ALDH5A1: variants seen among roughly 807,000 people sequenced by gnomAD.
ALDH5A1 encodes the protein succinate-semialdehyde dehydrogenase, mitochondrial.
Under a neutral mutation model 54.7 loss-of-function variants are expected in ALDH5A1, and 33 were observed. The observed-to-expected ratio is 0.60, with a 90% confidence interval of 0.46 to 0.81. The LOEUF (loss-of-function observed/expected upper bound fraction) is 0.81. Among genes scored for constraint, ALDH5A1 ranks in the 30% least tolerant of loss-of-function variants. The pLI, the probability that ALDH5A1 is intolerant of heterozygous loss-of-function variation, is 0.00. For synonymous variants in ALDH5A1, 294 were observed against 292.7 expected (o/e 1.00, Z -0.05); for missense variants, 657 against 711.0 (o/e 0.92, Z 0.86).
intron 4 of ALDH5A1, among the ~76,000 whole-genome samples, chr6:24,506,484 C>A (rs865840798): frequency 2.8e-4 from 42 of 151,956 alleles, no homozygotes; most frequent in Middle Eastern, 3.4e-3. Context: ...AACTCCTGAC[C>A]TCGTGATCCA....
rs771725195 is a variant in ALDH5A1 at position 24,504,967 on chromosome 6, C to T, written c.708C>T (p.Ser236=). 7 of 1,614,198 alleles carry T rather than the reference C, an allele frequency of 4.3e-6. No individual in the cohort carries two copies. In the Admixed American group the frequency reaches 5.0e-5, roughly 12 times the overall value. ...AGCCTGCCGAAGACACGCCCTTCTC[C>T]GCCCTGGCCCTGGCTGAGGTGAGCC... is the stretch of plus-strand genomic sequence containing the variant. ...VVKPAEDTPF[S]ALALAELASQ... Residue 236 remains serine (S), a synonymous_variant, in exon 4 of 10, where the codon TCC becomes TCT. Coordinates refer to ENST00000357578, the MANE Select transcript of ALDH5A1 (RefSeq NM_001080.3).
intron 4 of ALDH5A1, 65 bp from the exon 5 acceptor site, chr6:24,515,102 C>CTTTTTTTTTTTTTTTTTT (rs4646842): frequency 2.8e-4 from 265 of 931,962 alleles, no homozygotes; most frequent in East Asian, 8.0e-4. Context: ...TTTCTCTTTT[C>CTTTTTTTTTTTTTTTTTT]TTTTTTTTTT....
intron 7 of ALDH5A1, among the ~76,000 whole-genome samples, chr6:24,524,489 C>T (rs1478134819): frequency 6.6e-6 from 1 of 152,154 alleles, no homozygotes; most frequent in Non-Finnish European, 1.5e-5. Flanking sequence ...TGTTCCTCAA[C>T]CTCCTCAGAG....
chr6:24,495,541 C>T (rs985850164), intron 1 of ALDH5A1, among the ~76,000 whole-genome samples, 191 bp downstream of exon 1: 1 of 152,192 alleles, frequency 6.6e-6, no homozygotes, highest in Non-Finnish European at 1.5e-5. Flanking sequence ...CACTTTGAGC[C>T]GGGCACTAGG....
chr6:24,501,388 C>T (rs1764814981), intron 1 of ALDH5A1, among the ~76,000 whole-genome samples: 2 of 152,318 alleles, frequency 1.3e-5, no homozygotes, highest in African/African-American at 4.8e-5. Context: ...GAACTCTCCA[C>T]AGGGCTTGTT....
chr6:24,519,240 C>G (rs1315604315), intron 5 of ALDH5A1, among the ~76,000 whole-genome samples: 2 of 151,944 alleles, frequency 1.3e-5, no homozygotes, highest in Non-Finnish European at 2.9e-5. Flanking sequence ...TACAGAAGAG[C>G]CATGCAGTGG....
Position 24,520,642 on chromosome 6 carries a change from G to A in ALDH5A1, c.1014+98G>A, listed in dbSNP as rs1759664770. ...GATATGTGTGCATGTGAGTGTGTGT[G>A]TGTGTGCGTGTGTGTGTGTTACAAA... On this transcript the variant is annotated intron_variant, in intron 6 of 9. Coordinates refer to ENST00000357578, the MANE Select transcript of ALDH5A1 (RefSeq NM_001080.3). The A allele has an allele frequency of 2.7e-6, 4 of 1,500,104 alleles. No individual in the cohort carries two copies. The South Asian group carries it at 4.8e-5, about 18-fold the overall frequency. 92.9% of individuals were successfully genotyped at this position (1,500,104 alleles called of 1,614,324 possible).
At position 24,509,658 on chromosome 6, in the gene ALDH5A1, A is replaced by G. The variant is rs1759426629; in HGVS notation, c.726+4673A>G. ...TGATCTTTTGTACTTCTGTGGTGTC[A>G]GTTGTAATATCTCCCATTTCATTTC... On this transcript the variant is annotated intron_variant, in intron 4 of 9. Transcript: ENST00000357578. This position sits in a 1 kb window ranked among gnomAD's most constrained non-coding sequence, Gnocchi z 4.7. Among the ~76,000 whole-genome samples the G allele has an allele frequency of 6.6e-6, 1 of 152,092 alleles. No homozygotes were observed. Among genetic ancestry groups the G allele is most frequent in the Non-Finnish European group, 1.5e-5 (1 of 68,008 alleles).
intron 4 of ALDH5A1, among the ~76,000 whole-genome samples, chr6:24,513,062 T>C (rs995623042): frequency 7.0e-5 from 10 of 142,386 alleles, no homozygotes; most frequent in Admixed American, 4.3e-4. Flanking sequence ...ATTCTACTTC[T>C]TATTATTTTT....
chr6:24,535,168 G>GA lies in ALDH5A1; in HGVS notation c.*1458dup, dbSNP rs1206816182. The GA allele has an allele frequency of 6.6e-6, 1 of 152,196 alleles. No individual in the cohort carries two copies. Among genetic ancestry groups the GA allele is most frequent in the Non-Finnish European group, 1.5e-5 (1 of 68,048 alleles). The allele number at this position is 152,196 out of a possible 1,614,324, so 9.4% of individuals were successfully genotyped here. ...ATTCTGGGTTGTGGAAGGAAAATGT[G>GA]AATGAAAGTAGTGCTGGATGCAATT... On this transcript the variant is annotated 3_prime_UTR_variant, in exon 10 of 10. Transcript: ENST00000357578.
intron 4 of ALDH5A1, 35 bp downstream of exon 4, chr6:24,505,020 C>G (rs199978405): frequency 6.2e-7 from 1 of 1,604,014 alleles, no homozygotes; most frequent in South Asian, 1.1e-5. Context: ...ACAAAGCAGA[C>G]AAAGTTCAAA....
chr6:24,506,243 CTTTTTTT>C (rs70974913), intron 4 of ALDH5A1, among the ~76,000 whole-genome samples: 13 of 52,152 alleles, frequency 2.5e-4, no homozygotes, highest in South Asian at 2.2e-3. Flanking sequence ...TTCCTGGTTC[CTTTTTTT>C]TTTTTTTTTT....
rs1759986862 is a variant in ALDH5A1, at chr6:24,533,793, C to CTAA, written c.*84_*86dup. ...CATGCCATCCATTATTTTAAATAAA[C>CTAA]TAATAGGTTTTCAGAATTATGAATT... On this transcript the variant is annotated 3_prime_UTR_variant, in exon 10 of 10. Coordinates refer to ENST00000357578, the MANE Select transcript of ALDH5A1 (RefSeq NM_001080.3). 7.6e-7 allele frequency: 1 copy of CTAA among 1,315,434 alleles called. No individual in the cohort carries two copies. The highest frequency in any genetic ancestry group is 1.5e-5 in the African/African-American group (1 of 66,886). The allele number at this position is 1,315,434 out of a possible 1,614,324, so 81.5% of individuals were successfully genotyped here.
chr6:24,519,530 A>G (rs1019481264), intron 5 of ALDH5A1, among the ~76,000 whole-genome samples: 1 of 152,122 alleles, frequency 6.6e-6, no homozygotes, highest in African/African-American at 2.4e-5. Context: ...GCGCCACTGC[A>G]CTACAGCCTG....
At chr6:24,528,803 G>A (rs1330939208) in intron 8 of ALDH5A1, among the ~76,000 whole-genome samples, 1 of 149,920 alleles carries the variant, frequency 6.7e-6, no homozygotes, top group Non-Finnish European at 1.5e-5. Context: ...TCAGCCTTCC[G>A]AGTAGCTGGG....
At chr6:24,497,277 A>C (rs968095729) in intron 1 of ALDH5A1, among the ~76,000 whole-genome samples, 6 of 152,014 alleles carry the variant, frequency 3.9e-5, no homozygotes, top group Non-Finnish European at 1.5e-5. Flanking sequence ...CCTTTTTTTC[A>C]ATCCTCCCTG....
chr6:24,521,636 C>T (rs115159610), intron 6 of ALDH5A1, among the ~76,000 whole-genome samples: 162 of 152,232 alleles, frequency 1.1e-3, no homozygotes, highest in African/African-American at 3.8e-3. Context: ...TCCACATAAC[C>T]TAAATAAGCT....
Position 24,499,083 on chromosome 6 carries a change from C to T in ALDH5A1, c.355-3440C>T, listed in dbSNP as rs528341414. Among the ~76,000 whole-genome samples, 173 of 124,236 alleles carry T rather than the reference C, an allele frequency of 1.4e-3. 1 individual carries two copies. The highest frequency in any genetic ancestry group is 5.1e-3 in the African/African-American group (163 of 31,800). 81.5% of individuals were successfully genotyped at this position (124,236 alleles called of 152,430 possible). On this transcript the variant is annotated intron_variant, in intron 1 of 9. Transcript: ENST00000357578. Reference sequence around the variant, plus strand: ...GCCAACTGCACTCCAGCCTGGTGGACAGAGCAAGACTCTGTCTCAAAAAAA... The same window carrying T: ...GCCAACTGCACTCCAGCCTGGTGGATAGAGCAAGACTCTGTCTCAAAAAAA...
intron 1 of ALDH5A1, among the ~76,000 whole-genome samples, chr6:24,500,668 T>TAATA (rs1764801783): frequency 1.3e-5 from 2 of 149,316 alleles, no homozygotes; most frequent in East Asian, 3.9e-4. Context: ...ATAATAATAA[T>TAATA]AATAATAATA....
Sources: gnomAD v4.1 joint callset for allele counts (sites outside exome capture counted in the v4.1 genomes callset) on GRCh38, gnomAD v4.1.1 for gene constraint, Gnocchi (gnomAD v3.1) non-coding constraint, MANE v1.5 for transcripts, NCBI Gene and HGNC (gene_info 2026-07-23, HGNC 2026-07-21) for gene names.